The following ASTN1 variants were observed in gnomAD, a reference collection of about 807,000 sequenced individuals.
ASTN1 encodes astrotactin 1, also known as astrotactin-1.
Under a neutral mutation model 140.7 loss-of-function variants are expected in ASTN1, and 41 were observed. The ratio of observed to expected loss-of-function variants is 0.29; its 90% CI spans 0.23 to 0.38. The LOEUF is 0.38. ASTN1 is among the 10% of genes least tolerant of loss of function. The pLI is 1.00. For missense variants in ASTN1, 1,479 were observed against 1,678.8 expected (o/e 0.88, Z 2.08); for synonymous variants, 640 against 652.2 (o/e 0.98, Z 0.29).
chr1:177,080,376 C>T (rs1050359447), intron 1 of ASTN1, among the ~76,000 whole-genome samples: 6 of 151,818 alleles, frequency 4.0e-5, no homozygotes, highest in African/African-American at 1.5e-4. Context: ...GAGCAGCTGC[C>T]TTATGTCCTT....
intron 1 of ASTN1, among the ~76,000 whole-genome samples, chr1:177,145,797 T>C (rs1487375789): frequency 2.0e-5 from 3 of 152,190 alleles, no homozygotes; most frequent in East Asian, 1.9e-4. Context: ...AATAGAGATA[T>C]AAACCAAGTG....
At chr1:177,039,053 G>C (rs560519792) in intron 2 of ASTN1, among the ~76,000 whole-genome samples, 50 of 152,282 alleles carry the variant, frequency 3.3e-4, no homozygotes, top group African/African-American at 1.2e-3. Context: ...CAAGTTTAGA[G>C]AGTCACCTGG....
At chr1:177,080,259 CAAAAA>C (rs11300384) in intron 1 of ASTN1, among the ~76,000 whole-genome samples, 4 of 48,408 alleles carry the variant, frequency 8.3e-5, no homozygotes, top group East Asian at 7.6e-4. Flanking sequence ...ATCACCAGGC[CAAAAA>C]AAAAAAAAAA....
At position 177,094,568 on chromosome 1, in the gene ASTN1, A is replaced by T. The variant is rs1679931140; in HGVS notation, c.284-33303T>A. On this transcript the variant is annotated intron_variant, in intron 1 of 22. Transcript: ENST00000361833. ...CCAACACCAAATGTGCTAGTGGCTTAATCTTGGACTTCCCAGCCTCTGGAA... is the reference window on the plus strand; with the variant it reads ...CCAACACCAAATGTGCTAGTGGCTTTATCTTGGACTTCCCAGCCTCTGGAA... Among the ~76,000 whole-genome samples the T allele has an allele frequency of 2.0e-5, 3 of 152,196 alleles. No individual in the cohort carries two copies. The South Asian group carries it at 6.2e-4, about 32-fold the overall frequency.
intron 1 of ASTN1, among the ~76,000 whole-genome samples, chr1:177,119,530 C>T (rs1571811552): frequency 6.6e-6 from 1 of 152,240 alleles, no homozygotes; most frequent in East Asian, 1.9e-4. Flanking sequence ...GGCTAAAGAG[C>T]CCTTCTCAAC....
chr1:177,081,211 G>T (rs1267037238), intron 1 of ASTN1, among the ~76,000 whole-genome samples: 1 of 152,170 alleles, frequency 6.6e-6, no homozygotes, highest in African/African-American at 2.4e-5. Context: ...AGGTCAAGGA[G>T]CTCTTGCTTG....
intron 16 of ASTN1, among the ~76,000 whole-genome samples, chr1:176,913,427 T>G (rs1308646323): frequency 6.6e-6 from 1 of 152,220 alleles, no homozygotes; most frequent in Non-Finnish European, 1.5e-5. Flanking sequence ...AGCATTGGGC[T>G]AGGTACTGTG....
intron 1 of ASTN1, among the ~76,000 whole-genome samples, chr1:177,073,962 A>G (rs1571743858): frequency 6.9e-6 from 1 of 144,636 alleles, no homozygotes; most frequent in South Asian, 2.2e-4. Flanking sequence ...ATTCCTGGTT[A>G]AAAAAAAAAG....
intron 8 of ASTN1, among the ~76,000 whole-genome samples, chr1:176,980,424 A>C (rs1477935667): frequency 6.6e-6 from 1 of 152,094 alleles, no homozygotes; most frequent in East Asian, 1.9e-4. Flanking sequence ...GCTGGAGTCC[A>C]TGGCTGGTTT....
chr1:177,058,093 G>A (rs1348785717), intron 2 of ASTN1, among the ~76,000 whole-genome samples: 1 of 152,298 alleles, frequency 6.6e-6, no homozygotes, highest in Middle Eastern at 3.4e-3. Flanking sequence ...TGCAGTGTGT[G>A]GGGTGTGTGT....
chr1:177,036,036 CTTTTTTTTTTTTT>C (rs869200407), intron 2 of ASTN1, among the ~76,000 whole-genome samples: 4 of 78,800 alleles, frequency 5.1e-5, no homozygotes, highest in African/African-American at 2.2e-4. Context: ...CCTCAGCTTT[CTTTTTTTTTTTTT>C]TTTTTTTTTT....
At chr1:177,137,546 C>T (rs1426701861) in intron 1 of ASTN1, among the ~76,000 whole-genome samples, 1 of 152,232 alleles carries the variant, frequency 6.6e-6, no homozygotes, top group East Asian at 1.9e-4. Context: ...GATTCACCTA[C>T]TCCAATGCTG....
chr1:176,922,248 C>G (rs1049461083), intron 16 of ASTN1, among the ~76,000 whole-genome samples: 1 of 152,186 alleles, frequency 6.6e-6, no homozygotes, highest in Non-Finnish European at 1.5e-5. Context: ...GAGCCAGAGT[C>G]CCCCTTGTGA....
chr1:177,135,157 A>T, intron 1 of ASTN1, among the ~76,000 whole-genome samples: 1 of 152,118 alleles, frequency 6.6e-6, no homozygotes, highest in East Asian at 1.9e-4. Context: ...AGCAGCAAGA[A>T]ATGTCAATTC....
In ASTN1 at chr1:176,861,672, TTG is replaced by T; in HGVS notation, c.*2610_*2611del. 1 of 985,388 alleles carries T rather than the reference TTG, an allele frequency of 1.0e-6. No individual in the cohort carries two copies. Among genetic ancestry groups the T allele is most frequent in the Non-Finnish European group, 1.2e-6 (1 of 829,928 alleles). 61.0% of individuals were successfully genotyped at this position (985,388 alleles called of 1,614,324 possible). ...GAGCCAGTCATAGGAGTTGTGTGCA[TTG>T]TGTGTGCACACGTGTGTGTGTGTGT... On this transcript the variant is annotated 3_prime_UTR_variant, in exon 23 of 23. Coordinates refer to ENST00000361833, the MANE Select transcript of ASTN1 (RefSeq NM_004319.3).
rs1469888309 is a variant in ASTN1 at position 176,864,419 on chromosome 1, G to A, written c.3750C>T (p.Tyr1250=). The stretch of plus-strand genomic sequence containing the variant: ...TGATCTCGCTGTAGCGGCACCCCAG[G>A]TACTTGAGTGAGCTGCGCCGCAAGC... ...KISLRRSSLK[Y]LGCRYSEIKP... is the part of the protein sequence containing the mutation. The change falls in exon 23 of 23, where the codon TAC becomes TAT. Residue 1250 remains tyrosine (Y), a synonymous_variant. Transcript: ENST00000361833. The A allele has an allele frequency of 1.2e-6, 2 of 1,614,138 alleles. No homozygotes were observed. Among genetic ancestry groups the A allele is most frequent in the African/African-American group, 2.7e-5 (2 of 75,036 alleles).
intron 1 of ASTN1, among the ~76,000 whole-genome samples, chr1:177,093,834 C>T (rs545599713): frequency 6.6e-6 from 1 of 152,274 alleles, no homozygotes; most frequent in South Asian, 2.1e-4. Context: ...CAGTTGTTCT[C>T]TTAATTGTAT....
At position 176,892,611 on chromosome 1, in the gene ASTN1, T is replaced by A. The variant is rs1388718372; in HGVS notation, c.2940+1951A>T. ...TTATATGGTTTGACCTATTTGCTTG[T>A]TTCTTTATGATATTCACAGATTAGA... On this transcript the variant is annotated intron_variant, in intron 17 of 22. Transcript: ENST00000361833. Among the ~76,000 whole-genome samples, 3 of 152,236 alleles carry A rather than the reference T, an allele frequency of 2.0e-5. No individual in the cohort carries two copies. In the East Asian group the frequency reaches 5.8e-4, roughly 29 times the overall value.
chr1:176,996,064 T>C (rs924461957), intron 8 of ASTN1, among the ~76,000 whole-genome samples: 2 of 152,180 alleles, frequency 1.3e-5, no homozygotes, highest in African/African-American at 4.8e-5. Context: ...AGTCTGGTCC[T>C]TGGACTTCAG....
Sources: gnomAD v4.1 joint callset for allele counts (sites outside exome capture counted in the v4.1 genomes callset) on GRCh38, gnomAD v4.1.1 for gene constraint, MANE v1.5 for transcripts, NCBI Gene and HGNC (gene_info 2026-07-23, HGNC 2026-07-21) for gene names.